The following COL8A1 variants were observed in gnomAD, a reference collection of about 807,000 sequenced individuals.
The protein encoded by COL8A1 is collagen alpha-1(VIII) chain.
In COL8A1, 21 loss-of-function variants were observed where a neutral mutation model predicts 42.7. That is an observed-to-expected ratio of 0.49 (90% CI 0.35 to 0.71). COL8A1 has a LOEUF of 0.71. Among genes scored for constraint, COL8A1 ranks in the 30% least tolerant of loss-of-function variants. The pLI, the probability that COL8A1 is intolerant of heterozygous loss-of-function variation, is 0.01. For synonymous variants in COL8A1, 367 were observed against 369.1 expected, an observed-to-expected ratio of 0.99 and a Z score of 0.06; for missense variants, 788 against 962.4, an observed-to-expected ratio of 0.82 and a Z score of 2.40.
intron 2 of COL8A1, among the ~76,000 whole-genome samples, chr3:99,785,906 T>C (rs1941885593): frequency 6.6e-6 from 1 of 152,082 alleles, no homozygotes; most frequent in Admixed American, 6.6e-5. Context: ...CAGAGAAAAC[T>C]ATATGGTAGG....
At chr3:99,747,939 G>A (rs1210990993) in intron 2 of COL8A1, among the ~76,000 whole-genome samples, 1 of 152,204 alleles carries the variant, frequency 6.6e-6, no homozygotes, top group Non-Finnish European at 1.5e-5. Flanking sequence ...CTACCAACTT[G>A]GAATGTGGCC....
chr3:99,649,321 T>C (rs932273088), intron 1 of COL8A1, among the ~76,000 whole-genome samples: 6 of 152,094 alleles, frequency 3.9e-5, no homozygotes, highest in African/African-American at 9.7e-5. Context: ...GATTTGTGTC[T>C]TATTTACCTC....
intron 2 of COL8A1, among the ~76,000 whole-genome samples, chr3:99,758,524 A>G (rs1941304109): frequency 6.6e-6 from 1 of 152,164 alleles, no homozygotes; most frequent in Non-Finnish European, 1.5e-5. Flanking sequence ...CAGATACTTT[A>G]TTGAAAAGAA....
rs920070134 is a variant in COL8A1, at chr3:99,735,905, T to C, written c.-128-8992T>C. ...GAGGGTGTATGTGTCAAGGAATTTA[T>C]CCATTTCTTCTAGATTTTCTAGTTT... On this transcript the variant is annotated intron_variant, in intron 1 of 3. Transcript: ENST00000652472. 3.0e-3 allele frequency among the ~76,000 whole-genome samples: 450 copies of C among 152,226 alleles called. 4 individuals carry two copies. Among genetic ancestry groups the C allele is most frequent in the African/African-American group, 0.01 (427 of 41,574 alleles).
Position 99,704,206 on chromosome 3 carries a change from G to A in COL8A1, c.-128-40691G>A, listed in dbSNP as rs78392897. ...ATACTTTAAGAATGATTTTTTTCTCGTTCACTTTTTTTAAAGATTGTCTAA... is the reference window on the plus strand; with the variant it reads ...ATACTTTAAGAATGATTTTTTTCTCATTCACTTTTTTTAAAGATTGTCTAA... On this transcript the variant is annotated intron_variant, in intron 1 of 3. Transcript: ENST00000652472. Among the ~76,000 whole-genome samples, 1,328 of 151,844 alleles carry A rather than the reference G, an allele frequency of 8.7e-3. 19 individuals are homozygous for A. The highest frequency in any genetic ancestry group is 0.03 in the African/African-American group (1,244 of 41,410).
At chr3:99,711,691 G>A (rs537495254) in intron 1 of COL8A1, among the ~76,000 whole-genome samples, 3 of 152,158 alleles carry the variant, frequency 2.0e-5, no homozygotes, top group Non-Finnish European at 2.9e-5. Flanking sequence ...ATCACATCAC[G>A]GCTTAGCAGC....
chr3:99,715,021 T>C (rs1440976614), intron 1 of COL8A1, among the ~76,000 whole-genome samples: 1 of 152,136 alleles, frequency 6.6e-6, no homozygotes, highest in African/African-American at 2.4e-5. Context: ...TAGCAAGGTC[T>C]TTGTGGTTGT....
intron 2 of COL8A1, among the ~76,000 whole-genome samples, chr3:99,749,022 A>G (rs1941088370): frequency 6.6e-6 from 1 of 152,232 alleles, no homozygotes; most frequent in Non-Finnish European, 1.5e-5. Flanking sequence ...ATAATTATAT[A>G]TAACTTTGTT....
chr3:99,798,496 G>T lies in COL8A1; in HGVS notation c.*2360G>T, dbSNP rs1042857450. On this transcript the variant is annotated 3_prime_UTR_variant, in exon 4 of 4. Transcript: ENST00000652472. ...AATTGTATTTATCTGTACATGTATG[G>T]GCTTTTAATTCCCACCAAGAAAGAG... 8 of 151,990 alleles carry T rather than the reference G, an allele frequency of 5.3e-5. No homozygotes were observed. The highest frequency in any genetic ancestry group is 1.0e-4 in the Non-Finnish European group (7 of 67,980). 9.4% of individuals were successfully genotyped at this position (151,990 alleles called of 1,614,324 possible).
rs559278902 is a variant in COL8A1 at position 99,728,639 on chromosome 3, A to G, written c.-128-16258A>G. Among the ~76,000 whole-genome samples, 66 of 152,114 alleles carry G rather than the reference A, an allele frequency of 4.3e-4. 1 individual carries two copies. Among genetic ancestry groups the G allele is most frequent in the Admixed American group, 3.3e-3 (51 of 15,224 alleles). On this transcript the variant is annotated intron_variant, in intron 1 of 3. Transcript: ENST00000652472. ...TGAATTTCTTTTTTAAACTTGCCCAATACAAATGGCTTCACTGGCCATCTT... is the reference window on the plus strand; with the variant it reads ...TGAATTTCTTTTTTAAACTTGCCCAGTACAAATGGCTTCACTGGCCATCTT...
In COL8A1 at chr3:99,700,248, A is replaced by C. The variant is rs140772143; in HGVS notation, c.-128-44649A>C. On this transcript the variant is annotated intron_variant, in intron 1 of 3. Transcript: ENST00000652472. ...GCGTGAAATGCACGTATACCTATGT[A>C]ACAAACCTGCACGTTCTGCACGTGT... 4.0e-3 allele frequency among the ~76,000 whole-genome samples: 602 copies of C among 152,296 alleles called. 6 individuals carry two copies. Among genetic ancestry groups the C allele is most frequent in the African/African-American group, 0.014 (573 of 41,550 alleles).
At chr3:99,695,771 G>C (rs1939349440) in intron 1 of COL8A1, among the ~76,000 whole-genome samples, 1 of 152,162 alleles carries the variant, frequency 6.6e-6, no homozygotes, top group Non-Finnish European at 1.5e-5. Flanking sequence ...CAAAGGTTTT[G>C]TTCCTCGTTA....
intron 1 of COL8A1, among the ~76,000 whole-genome samples, chr3:99,700,970 C>T (rs183577205): frequency 1.2e-4 from 19 of 152,312 alleles, no homozygotes; most frequent in Admixed American, 3.9e-4. Context: ...CACTCTTACC[C>T]CCGTAGCTTC....
At chr3:99,719,654 A>G (rs1410691207) in intron 1 of COL8A1, among the ~76,000 whole-genome samples, 1 of 152,134 alleles carries the variant, frequency 6.6e-6, no homozygotes, top group African/African-American at 2.4e-5. Flanking sequence ...AGCATGAGTA[A>G]GTGTTAGCCA....
At chr3:99,774,063 T>C (rs1941644882) in intron 2 of COL8A1, among the ~76,000 whole-genome samples, 1 of 150,706 alleles carries the variant, frequency 6.6e-6, no homozygotes, top group South Asian at 2.1e-4. Context: ...CAGGCTGGTC[T>C]CAAACTCCCG....
intron 2 of COL8A1, among the ~76,000 whole-genome samples, chr3:99,755,810 C>G (rs1941242775): frequency 6.6e-6 from 1 of 152,172 alleles, no homozygotes; most frequent in South Asian, 2.1e-4. Context: ...AACTAAAGAG[C>G]AGATGGTGTC....
intron 2 of COL8A1, among the ~76,000 whole-genome samples, chr3:99,787,342 A>C (rs1347249846): frequency 6.6e-6 from 1 of 152,240 alleles, no homozygotes; most frequent in Non-Finnish European, 1.5e-5. Context: ...TTGACACATG[A>C]ATGAATGACT....
intron 2 of COL8A1, among the ~76,000 whole-genome samples, chr3:99,746,714 C>A (rs1941033864): frequency 6.6e-6 from 1 of 152,096 alleles, no homozygotes; most frequent in South Asian, 2.1e-4. Flanking sequence ...AAAGGCCATT[C>A]AATAAACTAT....
intron 1 of COL8A1, among the ~76,000 whole-genome samples, chr3:99,733,007 G>A (rs541888901): frequency 4.6e-5 from 7 of 151,680 alleles, no homozygotes; most frequent in Non-Finnish European, 8.8e-5. Flanking sequence ...GATCTCCTTT[G>A]TCTCAATGTC....
Sources: allele counts gnomAD v4.1 joint callset (sites outside exome capture counted in the v4.1 genomes callset), GRCh38; gene constraint gnomAD v4.1.1; transcripts MANE v1.5; gene names NCBI Gene and HGNC (gene_info 2026-07-23, HGNC 2026-07-21).